RGS6: variants seen among roughly 807,000 people sequenced by gnomAD.
RGS6 encodes regulator of G protein signaling 6.
RGS6 carries 30 observed loss-of-function variants against 78.5 expected under a neutral mutation model. That is an observed-to-expected ratio of 0.38 (90% CI 0.29 to 0.52). RGS6 has a LOEUF of 0.52. RGS6 is among the 20% of genes least tolerant of loss of function. RGS6 has a pLI of 0.85. For synonymous variants in RGS6, 206 were observed against 206.0 expected, an observed-to-expected ratio of 1.00 and a Z score of 0.00; for missense variants, 495 against 609.7, an observed-to-expected ratio of 0.81 and a Z score of 1.98.
At chr14:71,972,448 T>C (rs1010090219) in intron 2 of RGS6, among the ~76,000 whole-genome samples, 6 of 152,086 alleles carry the variant, frequency 3.9e-5, no homozygotes, top group African/African-American at 1.2e-4. Context: ...TGTTTACCAA[T>C]AAGACCCTAA....
chr14:71,927,086 T>A, the RGS6 span, among the ~76,000 whole-genome samples: 1 of 152,206 alleles, frequency 6.6e-6, no homozygotes, highest in African/African-American at 2.4e-5. Flanking sequence ...AGGCAGTGGA[T>A]GAGAGTGTCT....
At chr14:72,111,671 C>T (rs899790263) in intron 2 of RGS6, among the ~76,000 whole-genome samples, 2 of 152,136 alleles carry the variant, frequency 1.3e-5, no homozygotes, top group African/African-American at 2.4e-5. Context: ...TGACAAAATG[C>T]CTTTTCCCAA....
intron 2 of RGS6, among the ~76,000 whole-genome samples, chr14:72,276,973 G>A (rs940877598): frequency 6.6e-6 from 1 of 152,080 alleles, no homozygotes; most frequent in South Asian, 2.1e-4. Context: ...TTCCATGAAG[G>A]CAGGGATATT....
chr14:72,097,077 T>C (rs1195999254), intron 2 of RGS6, among the ~76,000 whole-genome samples: 151 of 152,310 alleles, frequency 9.9e-4, no homozygotes, highest in Non-Finnish European at 2.9e-5. Context: ...AACTTGACAA[T>C]AGTAATTGGG....
intron 3 of RGS6, among the ~76,000 whole-genome samples, chr14:72,383,182 A>ATG (rs1229918263): frequency 1.3e-5 from 1 of 75,570 alleles, no homozygotes; most frequent in Non-Finnish European, 2.4e-5. Context: ...TTGTACATAT[A>ATG]TATATATATA....
chr14:71,879,941 A>T, the RGS6 span, among the ~76,000 whole-genome samples: 1 of 152,254 alleles, frequency 6.6e-6, no homozygotes, highest in African/African-American at 2.4e-5. Context: ...AAAGGGGGAA[A>T]GTTTGGAACT....
chr14:71,929,767 C>T (rs952356965), upstream of RGS6, among the ~76,000 whole-genome samples: 3 of 152,094 alleles, frequency 2.0e-5, no homozygotes, highest in South Asian at 2.1e-4. Context: ...ATTTATTAGT[C>T]GCATTCTACT....
intron 2 of RGS6, among the ~76,000 whole-genome samples, chr14:72,128,756 T>A (rs769532874): frequency 1.3e-5 from 2 of 152,128 alleles, no homozygotes; most frequent in Non-Finnish European, 2.9e-5. Flanking sequence ...TGTGGTTATG[T>A]TGGTAGGAAG....
the RGS6 span, among the ~76,000 whole-genome samples, chr14:71,868,528 A>G: frequency 1.3e-5 from 2 of 152,222 alleles, no homozygotes; most frequent in African/African-American, 2.4e-5. Context: ...ACTGTTTTAC[A>G]TCAATGGTAT....
intron 2 of RGS6, among the ~76,000 whole-genome samples, chr14:72,159,588 G>T (rs1053993992): frequency 6.6e-5 from 10 of 152,304 alleles, no homozygotes; most frequent in Middle Eastern, 3.4e-3. Flanking sequence ...GATCGTACTG[G>T]TGGAATTTAG....
chr14:72,301,659 G>A (rs1202007888), intron 2 of RGS6, among the ~76,000 whole-genome samples: 9 of 152,154 alleles, frequency 5.9e-5, no homozygotes, highest in African/African-American at 2.2e-4. Flanking sequence ...TGGGATATTG[G>A]CAGTGTTGGC....
At chr14:71,964,920 G>A in intron 2 of RGS6, 45 bp downstream of exon 2, 1 of 1,493,676 alleles carries the variant, frequency 6.7e-7, no homozygotes, top group Non-Finnish European at 9.3e-7. Context: ...CGTGTGGACT[G>A]TTGTGTTCTG....
the RGS6 span, among the ~76,000 whole-genome samples, chr14:71,892,838 G>A: frequency 2.6e-5 from 4 of 152,264 alleles, no homozygotes; most frequent in African/African-American, 4.8e-5. Flanking sequence ...GGCATTTTAC[G>A]GCTTTTCATG....
chr14:71,902,357 A>G, the RGS6 span, among the ~76,000 whole-genome samples: 4 of 152,224 alleles, frequency 2.6e-5, no homozygotes, highest in Non-Finnish European at 5.9e-5. Flanking sequence ...AATGATGTCA[A>G]ATCTCATTAG....
At chr14:72,482,378 C>A (rs751333961) in intron 12 of RGS6, among the ~76,000 whole-genome samples, 3 of 152,298 alleles carry the variant, frequency 2.0e-5, no homozygotes, top group South Asian at 2.1e-4. Flanking sequence ...ACCCTTCCCC[C>A]CAACACCCAA....
intron 2 of RGS6, among the ~76,000 whole-genome samples, chr14:72,253,805 T>C (rs2056432045): frequency 6.6e-6 from 1 of 152,240 alleles, no homozygotes; most frequent in African/African-American, 2.4e-5. Context: ...ACATTCAGCA[T>C]AACTAAGAAA....
chr14:72,459,533 TGGG>T (rs905138695), intron 5 of RGS6, 96 bp from the exon 6 acceptor site: 13 of 1,081,062 alleles, frequency 1.2e-5, no homozygotes, highest in Admixed American at 1.8e-5. Context: ...AAGAAGGAGA[TGGG>T]GGAGAGCCTG....
chr14:72,186,734 A>G (rs1326924425), intron 2 of RGS6, among the ~76,000 whole-genome samples: 1 of 152,164 alleles, frequency 6.6e-6, no homozygotes, highest in African/African-American at 2.4e-5. Context: ...TTGCAAAAAT[A>G]GCAGGCTTGT....
chr14:72,503,093 G>T (rs535623677), intron 13 of RGS6, among the ~76,000 whole-genome samples: 7 of 152,150 alleles, frequency 4.6e-5, no homozygotes, highest in Admixed American at 6.5e-5. Context: ...TGTCTGGTGA[G>T]GGCCTCCTTC....
Sources: allele counts gnomAD v4.1 joint callset (sites outside exome capture counted in the v4.1 genomes callset), GRCh38; gene constraint gnomAD v4.1.1; transcripts MANE v1.5; gene names NCBI Gene and HGNC (gene_info 2026-07-23, HGNC 2026-07-21).